The following CASP5 variants were observed in gnomAD, a reference collection of about 807,000 sequenced individuals.
CASP5 encodes the protein caspase-5.
In CASP5, 42 loss-of-function variants were observed where a neutral mutation model predicts 45.2. That is an observed-to-expected ratio of 0.93 (90% confidence interval 0.73 to 1.20). The LOEUF (loss-of-function observed/expected upper bound fraction) is 1.20. CASP5 is among the 50% of genes most tolerant of loss of function. The probability of loss-of-function intolerance (pLI) is 0.00; values close to 1 mark genes in which losing one functional copy is unlikely to be tolerated. For synonymous variants in CASP5, 209 were observed against 186.2 expected (o/e 1.12, Z -1.00); for missense variants, 512 against 532.2 (o/e 0.96, Z 0.37).
chr11:105,009,485 T>A (rs1409221192), intron 1 of CASP5, among the ~76,000 whole-genome samples: 1 of 151,626 alleles, frequency 6.6e-6, no homozygotes, highest in Non-Finnish European at 1.5e-5. Context: ...AACAATTTTC[T>A]GCTCAAAATG....
chr11:105,004,392 T>C (rs1861900033), intron 3 of CASP5, among the ~76,000 whole-genome samples: 1 of 152,178 alleles, frequency 6.6e-6, no homozygotes, highest in African/African-American at 2.4e-5. Flanking sequence ...TATTGATCTC[T>C]TTTGACCGAT....
At chr11:105,017,213 A>C (rs1462374971) in intron 1 of CASP5, among the ~76,000 whole-genome samples, 2 of 152,226 alleles carry the variant, frequency 1.3e-5, no homozygotes, top group East Asian at 3.9e-4. Context: ...GGGAAAAAAC[A>C]GAGCAGAAAA....
At chr11:105,002,943 A>T (rs1356527657) in intron 4 of CASP5, among the ~76,000 whole-genome samples, 1 of 152,122 alleles carries the variant, frequency 6.6e-6, no homozygotes, top group Non-Finnish European at 1.5e-5. Flanking sequence ...CCCGCCTGTA[A>T]TCCCAGTGCT....
intron 3 of CASP5, among the ~76,000 whole-genome samples, chr11:105,003,864 A>G (rs1478125835): frequency 6.6e-6 from 1 of 150,728 alleles, no homozygotes; most frequent in African/African-American, 2.4e-5. Flanking sequence ...TAATTGTAAT[A>G]ATATATTTAT....
chr11:105,010,424 C>T (rs1406409618), intron 1 of CASP5, among the ~76,000 whole-genome samples: 1 of 120,406 alleles, frequency 8.3e-6, no homozygotes, highest in East Asian at 2.0e-4. Flanking sequence ...TTATTATACT[C>T]ATATAATAAA....
chr11:105,018,800 C>T (rs1376277301), intron 1 of CASP5, among the ~76,000 whole-genome samples: 77 of 139,146 alleles, frequency 5.5e-4, no homozygotes, highest in East Asian at 9.9e-4. Context: ...CTGCACCAAG[C>T]GGACCTAATA....
intron 1 of CASP5, among the ~76,000 whole-genome samples, chr11:105,013,664 T>C (rs1309987440): frequency 6.6e-6 from 1 of 152,186 alleles, no homozygotes. Context: ...CTCAAATTTA[T>C]GGATCAGCCC....
intron 3 of CASP5, among the ~76,000 whole-genome samples, chr11:105,004,281 A>T (rs1861895539): frequency 6.6e-6 from 1 of 152,166 alleles, no homozygotes; most frequent in Admixed American, 6.5e-5. Flanking sequence ...CTGGACAGCC[A>T]ACACTGTCCA....
intron 1 of CASP5, among the ~76,000 whole-genome samples, chr11:105,021,035 C>G (rs1014748582): frequency 1.4e-4 from 22 of 152,026 alleles, no homozygotes; most frequent in African/African-American, 4.8e-4. Flanking sequence ...CTTTGACAAA[C>G]CTGAGACAAA....
intron 9 of CASP5, 91 bp downstream of exon 9, chr11:104,995,649 A>C (rs1014631511): frequency 2.6e-6 from 2 of 770,346 alleles, no homozygotes; most frequent in African/African-American, 3.5e-5. Flanking sequence ...TAACTTGACC[A>C]TATAAGCAGT....
At chr11:105,006,760 A>G (rs1157696629) in intron 3 of CASP5, among the ~76,000 whole-genome samples, 3 of 152,176 alleles carry the variant, frequency 2.0e-5, no homozygotes, top group Non-Finnish European at 4.4e-5. Flanking sequence ...GGAGAATGGA[A>G]GGTCAAGAAA....
chr11:105,016,765 A>G (rs907095889), intron 1 of CASP5, among the ~76,000 whole-genome samples: 2 of 152,098 alleles, frequency 1.3e-5, no homozygotes, highest in Non-Finnish European at 2.9e-5. Context: ...GCTTAGGTAA[A>G]CAAAGCAGCC....
At position 105,005,074 on chromosome 11, in the gene CASP5, GC is replaced by G. The variant is rs555396068; in HGVS notation, c.434-1692del. ...ATTACAAAATAATAAATATTATAGT[GC>G]AGTCTCCTTCCAAAGAGAGTTTCTA... On this transcript the variant is annotated intron_variant, in intron 3 of 9. Coordinates refer to ENST00000260315, the MANE Select transcript of CASP5 (RefSeq NM_004347.5). Among the ~76,000 whole-genome samples, 113 of 152,220 alleles carry G rather than the reference GC, an allele frequency of 7.4e-4. 3 individuals are homozygous for G. The South Asian group carries it at 0.022, about 30-fold the overall frequency.
intron 1 of CASP5, among the ~76,000 whole-genome samples, chr11:105,019,906 A>G (rs1223340717): frequency 6.8e-6 from 1 of 146,294 alleles, no homozygotes; most frequent in African/African-American, 2.5e-5. Flanking sequence ...AAAAATCCTC[A>G]ATAAAATACT....
At position 105,003,260 on chromosome 11, in the gene CASP5, A is replaced by G; in HGVS notation, c.543+14T>C. The G allele has an allele frequency of 7.0e-7, 1 of 1,418,580 alleles. No homozygotes were observed. The highest frequency in any genetic ancestry group is 2.3e-5 in the East Asian group (1 of 43,708). 87.9% of individuals were successfully genotyped at this position (1,418,580 alleles called of 1,614,324 possible). A position where few individuals can be genotyped will look rare whatever the true frequency, so the allele number is the denominator to read the frequency against. On this transcript the variant is annotated intron_variant, in intron 4 of 9. Transcript: ENST00000260315. ...TTCTCTCTTCTTCCCCATTTCATAC[A>G]GAGAGCACAGCACCTCATCATGATT... is the stretch of plus-strand genomic sequence containing the variant.
rs1350910059 is a variant in CASP5, at chr11:104,998,988, G to C, written c.993C>G (p.Ser331=). ...GELWVRDSPA[S]LALISSQSSE... is the part of the protein sequence containing the mutation. ...ATGACTGTGAAGAGATGAGTGCCAA[G>C]GATGCTGGAGAGTCTCTGACCCAGA... The change falls in exon 7 of 10, where the codon TCC becomes TCG. Residue 331 remains serine, a synonymous_variant. Transcript: ENST00000260315. 6.2e-7 allele frequency: 1 copy of C among 1,613,352 alleles called. No individual in the cohort carries two copies. Among genetic ancestry groups the C allele is most frequent in the Non-Finnish European group, 8.5e-7 (1 of 1,179,616 alleles).
rs1249447848 is a variant in CASP5, at chr11:105,002,028, C to G, written c.717G>C (p.Arg239Ser). Residue 239 changes from arginine to serine, a missense_variant and splice_region_variant, in exon 5 of 10, where the codon AGG (arginine) becomes AGC (serine). Coordinates refer to ENST00000260315, the MANE Select transcript of CASP5 (RefSeq NM_004347.5). ...TGTGAGATGGCTTAGGGGTTCTTAC[C>G]CTGGCTGTGAGATTCTTTTCGTCAA... ...TVVDEKNLTA[R>S]DMESVLRAFA... 2.5e-6 allele frequency: 4 copies of G among 1,613,664 alleles called. No homozygotes were observed. In the East Asian group the frequency reaches 8.9e-5, roughly 36 times the overall value.
chr11:104,999,128 T>C (rs1861608946), intron 6 of CASP5, 100 bp from the exon 7 acceptor site: 1 of 1,010,638 alleles, frequency 9.9e-7, no homozygotes, highest in African/African-American at 1.6e-5. Context: ...CATGTACCAT[T>C]GTGGTTTGCT....
chr11:105,008,848 G>A lies in CASP5; in HGVS notation c.140C>T (p.Thr47Ile), dbSNP rs149117572. Reference sequence around the variant, plus strand: ...CTTTTGATCCGTATTAGGTACTAGGGTCTGGATAGATGTTTGTCCAGCCAC... The same window carrying A: ...CTTTTGATCCGTATTAGGTACTAGGATCTGGATAGATGTTTGTCCAGCCAC... ...NNVAGQTSIQ[T>I]LVPNTDQKST... Residue 47 changes from threonine to isoleucine, a missense_variant, in exon 2 of 10, where the codon ACC (threonine) becomes ATC (isoleucine). Physicochemically the swap from Thr to Ile is moderately conservative, Grantham distance 89. Coordinates refer to ENST00000260315, the MANE Select transcript of CASP5 (RefSeq NM_004347.5). 1.1e-4 allele frequency: 176 copies of A among 1,613,080 alleles called. No individual in the cohort carries two copies. In the Middle Eastern group the frequency reaches 1.5e-3, roughly 14 times the overall value.
Sources: gnomAD v4.1 joint callset for allele counts (sites outside exome capture counted in the v4.1 genomes callset) on GRCh38, gnomAD v4.1.1 for gene constraint, MANE v1.5 for transcripts, NCBI Gene and HGNC (gene_info 2026-07-23, HGNC 2026-07-21) for gene names.